CFAP99: variants seen among roughly 807,000 people sequenced by gnomAD.
The protein encoded by CFAP99 is cilia and flagella associated protein 99, also known as cilia- and flagella-associated protein 99.
Under a neutral mutation model 82.7 loss-of-function variants are expected in CFAP99, and 84 were observed. That is an observed-to-expected ratio of 1.02 (90% CI 0.85 to 1.22). The LOEUF is 1.22. CFAP99 is among the 50% of genes most tolerant of loss of function. The pLI is 0.00. For missense variants in CFAP99, 1,059 were observed against 983.5 expected (o/e 1.08, Z -1.03); for synonymous variants, 456 against 429.5 (o/e 1.06, Z -0.76).
chr4:2,442,357 G>T (rs1287502313), intron 4 of CFAP99, among the ~76,000 whole-genome samples: 1 of 152,158 alleles, frequency 6.6e-6, no homozygotes, highest in Non-Finnish European at 1.5e-5. Flanking sequence ...GGTGGGAAAG[G>T]GGGTGGAAGC....
intron 4 of CFAP99, among the ~76,000 whole-genome samples, chr4:2,438,453 G>A (rs1008881943): frequency 1.3e-4 from 19 of 151,994 alleles, no homozygotes; most frequent in South Asian, 2.1e-4. Flanking sequence ...TAGTAGAGAC[G>A]GGGTTTCACC....
intron 4 of CFAP99, among the ~76,000 whole-genome samples, chr4:2,439,998 A>G (rs146359114): frequency 0.043 from 6,377 of 149,444 alleles, 421 homozygotes; most frequent in African/African-American, 0.14. Flanking sequence ...ATGTGCCATC[A>G]CGCCTGGCTA....
intron 11 of CFAP99, among the ~76,000 whole-genome samples, chr4:2,457,624 T>C (rs149659847): frequency 1.4e-4 from 21 of 152,302 alleles, no homozygotes; most frequent in African/African-American, 4.8e-4. Context: ...CTGATCTCTC[T>C]GCTGCTTACT....
rs764659953 is a variant in CFAP99, at chr4:2,451,374, C to G, written c.956+22C>G. The G allele has an allele frequency of 1.1e-4, 173 of 1,532,438 alleles. No individual in the cohort carries two copies. In the African/African-American group the frequency reaches 1.9e-3, roughly 17 times the overall value. The allele number at this position is 1,532,438 out of a possible 1,614,324, so 94.9% of individuals were successfully genotyped here. A position where few individuals can be genotyped will look rare whatever the true frequency, so the allele number is the denominator to read the frequency against. Reference sequence around the variant, plus strand: ...AGAGGTGAAGGGCGGCAGGCCCCCCCACCTGCCTTCCACGGCATCACCCTT... The same window carrying G: ...AGAGGTGAAGGGCGGCAGGCCCCCCGACCTGCCTTCCACGGCATCACCCTT... On this transcript the variant is annotated intron_variant, in intron 10 of 14. Coordinates refer to ENST00000635017, the Ensembl canonical transcript of CFAP99.
chr4:2,435,807 C>CCAGCTACTCAGGAGGCCGAGGTGGGAAG lies in CFAP99; in HGVS notation c.112-1013_112-986dup, dbSNP rs1430028035. ...GGCATGGTGGTGTGCATCTGTAGTCCCAGCTACTCAGGAGGCCGAGGTGGG... is the reference window on the plus strand; with the variant it reads ...GGCATGGTGGTGTGCATCTGTAGTCCCAGCTACTCAGGAGGCCGAGGTGGGAAGCAGCTACTCAGGAGGCCGAGGTGGG... On this transcript the variant is annotated intron_variant, in intron 2 of 14. Coordinates refer to ENST00000635017, the Ensembl canonical transcript of CFAP99. Among the ~76,000 whole-genome samples, 284 of 149,578 alleles carry CCAGCTACTCAGGAGGCCGAGGTGGGAAG rather than the reference C, an allele frequency of 1.9e-3. 4 individuals carry two copies. The highest frequency in any genetic ancestry group is 2.7e-3 in the African/African-American group (110 of 40,608).
intron 5 of CFAP99, among the ~76,000 whole-genome samples, chr4:2,444,671 A>T (rs1734122868): frequency 6.6e-6 from 1 of 152,116 alleles, no homozygotes; most frequent in South Asian, 2.1e-4. Context: ...CTCCTGCCCC[A>T]CCTGACTCCA....
Position 2,423,025 on chromosome 4 carries a change from A to C in CFAP99, c.-17-3434A>C, listed in dbSNP as rs150415383. On this transcript the variant is annotated intron_variant, in intron 1 of 14. Transcript: ENST00000635017. ...CAGTTACGCTGTGGAGTTTTAAAAA[A>C]CGTCTCAGTGTGGCTGACCCTGGCG... 2.2e-4 allele frequency among the ~76,000 whole-genome samples: 34 copies of C among 152,282 alleles called. 1 individual carries two copies. The highest frequency in any genetic ancestry group is 5.8e-4 in the African/African-American group (24 of 41,558).
exon 7 of CFAP99, chr4:2,449,714 G>A: frequency 3.9e-6 from 6 of 1,536,140 alleles, no homozygotes; most frequent in Non-Finnish European, 5.2e-6. Flanking sequence ...AGCAGCAGCT[G>A]GAGACAGTCA....
intron 2 of CFAP99, among the ~76,000 whole-genome samples, chr4:2,432,924 C>T (rs2108715659): frequency 6.6e-6 from 1 of 152,352 alleles, no homozygotes; most frequent in African/African-American, 2.4e-5. Context: ...TCTCTGCTGG[C>T]CTGGTCAGAA....
chr4:2,444,985 C>A, intron 5 of CFAP99, 146 bp from the exon 6 acceptor site: 3 of 463,592 alleles, frequency 6.5e-6, no homozygotes, highest in Non-Finnish European at 1.1e-5. Flanking sequence ...GAAGCCACTT[C>A]GTGAAGTGAG....
Position 2,451,086 on chromosome 4 carries a change from C to T in CFAP99, c.867+68C>T, listed in dbSNP as rs553902322. ...CCCACCCCTCCAGACCTTTTCTGCC[C>T]GTAGAGGCTCAGATGACCTGAGCTG... On this transcript the variant is annotated intron_variant, in intron 9 of 14. Coordinates refer to ENST00000635017, the Ensembl canonical transcript of CFAP99. 759 of 1,494,100 alleles carry T rather than the reference C, an allele frequency of 5.1e-4. 7 individuals are homozygous for T. In the South Asian group the frequency reaches 8.2e-3, roughly 16 times the overall value. 92.6% of individuals were successfully genotyped at this position (1,494,100 alleles called of 1,614,324 possible).
In CFAP99 at chr4:2,445,403, C is replaced by G. The variant is rs917293048; in HGVS notation, c.642+95C>G. On this transcript the variant is annotated intron_variant, in intron 6 of 14. Transcript: ENST00000635017. Reference sequence around the variant, plus strand: ...GTGTGGGCCTGTGGGGGACTGGGCTCCCCCCAGGGCTGAGGGTGCACTGGA... The same window carrying G: ...GTGTGGGCCTGTGGGGGACTGGGCTGCCCCCAGGGCTGAGGGTGCACTGGA... 24 of 1,106,432 alleles carry G rather than the reference C, an allele frequency of 2.2e-5. No homozygotes were observed. In the Admixed American group the frequency reaches 1.0e-3, roughly 47 times the overall value. The allele number at this position is 1,106,432 out of a possible 1,614,324, so 68.5% of individuals were successfully genotyped here.
chr4:2,453,483 C>T (rs898890365), intron 11 of CFAP99, among the ~76,000 whole-genome samples: 2 of 152,194 alleles, frequency 1.3e-5, no homozygotes, highest in African/African-American at 4.8e-5. Flanking sequence ...ACCATCTTCA[C>T]TCCACCAAAG....
In CFAP99 at chr4:2,462,498, C is replaced by G. The variant is rs926921257; in HGVS notation, c.1717C>G (p.Arg573Gly). Residue 573 changes from arginine (R) to glycine (G), a missense_variant, in exon 15 of 15, where the codon CGC (arginine) becomes GGC (glycine). By Grantham distance (125) the Arg-to-Gly change is moderately radical. Transcript: ENST00000635017. The surrounding 1 kb of genome is among the most constrained non-coding windows in gnomAD (Gnocchi z 4.1). ...CCCGGCGGCGCCCTCGCAGGACGAG[C>G]GCGTGCAGCAGCTGCGGCGCAGGAT... The G allele has an allele frequency of 1.4e-5, 20 of 1,477,170 alleles. No individual in the cohort carries two copies. The highest frequency in any genetic ancestry group is 1.8e-5 in the Non-Finnish European group (20 of 1,122,996). The allele number at this position is 1,477,170 out of a possible 1,614,324, so 91.5% of individuals were successfully genotyped here. A position where few individuals can be genotyped will look rare whatever the true frequency, so the allele number is the denominator to read the frequency against.
At position 2,462,591 on chromosome 4, in the gene CFAP99, C is replaced by G; in HGVS notation, c.1810C>G (p.Arg604Gly). The change falls in exon 15 of 15, where the codon CGC becomes GGC. Residue 604 changes from arginine (R) to glycine (G), a missense_variant. By Grantham distance (125) the Arg-to-Gly change is moderately radical (BLOSUM62 -2). Transcript: ENST00000635017. This position sits in a 1 kb window ranked among gnomAD's most constrained non-coding sequence, Gnocchi z 4.1. ...GCACGTGTCGGCGCCGCGGACCGCG[C>G]GCCCCAAGCCCCGGGTGAGTCCGGA... 7.0e-7 allele frequency: 1 copy of G among 1,423,606 alleles called. No individual in the cohort carries two copies. The highest frequency in any genetic ancestry group is 9.2e-7 in the Non-Finnish European group (1 of 1,091,666). The allele number at this position is 1,423,606 out of a possible 1,614,324, so 88.2% of individuals were successfully genotyped here. A position where few individuals can be genotyped will look rare whatever the true frequency, so the allele number is the denominator to read the frequency against.
intron 13 of CFAP99, among the ~76,000 whole-genome samples, chr4:2,459,525 A>G (rs1734529234): frequency 6.6e-6 from 1 of 152,206 alleles, no homozygotes; most frequent in African/African-American, 2.4e-5. Context: ...AGAGGAGGCC[A>G]CTTAGGAGCT....
At chr4:2,432,618 C>G (rs1335888685) in intron 2 of CFAP99, among the ~76,000 whole-genome samples, 1 of 152,198 alleles carries the variant, frequency 6.6e-6, no homozygotes, top group Non-Finnish European at 1.5e-5. Context: ...CTTCCCCAAC[C>G]CTGTGAGTCC....
chr4:2,451,853 A>T (rs914091882), intron 10 of CFAP99, among the ~76,000 whole-genome samples: 3 of 152,038 alleles, frequency 2.0e-5, no homozygotes, highest in Non-Finnish European at 4.4e-5. Context: ...CAGATGATGG[A>T]CACAGGGTTG....
At chr4:2,459,541 T>C (rs1734529526) in intron 13 of CFAP99, among the ~76,000 whole-genome samples, 1 of 152,062 alleles carries the variant, frequency 6.6e-6, no homozygotes, top group Non-Finnish European at 1.5e-5. Context: ...GAGCTGCCTG[T>C]TGAGGGAGGG....
Sources: allele counts gnomAD v4.1 joint callset (sites outside exome capture counted in the v4.1 genomes callset), GRCh38; gene constraint gnomAD v4.1.1; non-coding constraint Gnocchi (gnomAD v3.1); transcripts MANE v1.5; gene names NCBI Gene and HGNC (gene_info 2026-07-23, HGNC 2026-07-21).